Variants in KDM4C observed in about 807,000 individuals in gnomAD.
KDM4C encodes the protein lysine demethylase 4C, also known as lysine-specific demethylase 4C.
A neutral mutation model predicts 129.3 loss-of-function variants in KDM4C; 81 were observed. The ratio of observed to expected loss-of-function variants is 0.63; its 90% CI spans 0.52 to 0.75. KDM4C has a LOEUF of 0.75. KDM4C is among the 30% of genes least tolerant of loss of function. The pLI, the probability that KDM4C is intolerant of heterozygous loss-of-function variation, is 0.00. For synonymous variants in KDM4C, 573 were observed against 456.1 expected (o/e 1.26, Z -3.26); for missense variants, 1,457 against 1,304.0 (o/e 1.12, Z -1.81).
chr9:7,142,845 C>T (rs1180574594), intron 19 of KDM4C, among the ~76,000 whole-genome samples: 3 of 145,958 alleles, frequency 2.1e-5, no homozygotes, highest in African/African-American at 5.0e-5. Context: ...TAAAAATGCT[C>T]ATACAGGCTG....
chr9:6,926,284 A>G (rs1201082420), intron 8 of KDM4C, among the ~76,000 whole-genome samples: 1 of 148,632 alleles, frequency 6.7e-6, no homozygotes, highest in Non-Finnish European at 1.5e-5. Flanking sequence ...AACTGAGGTA[A>G]TATAAGGCGT....
chr9:7,094,260 G>C (rs916970053), intron 17 of KDM4C, among the ~76,000 whole-genome samples: 6 of 152,208 alleles, frequency 3.9e-5, no homozygotes, highest in Non-Finnish European at 7.3e-5. Flanking sequence ...GGCAGGGTTA[G>C]GATTCAGGCT....
At chr9:6,978,139 C>G (rs969560354) in intron 8 of KDM4C, among the ~76,000 whole-genome samples, 1 of 152,138 alleles carries the variant, frequency 6.6e-6, no homozygotes, top group Non-Finnish European at 1.5e-5. Context: ...CTGTTACTCT[C>G]AGTTTTTCAG....
At chr9:6,943,653 C>T (rs1255962549) in intron 8 of KDM4C, among the ~76,000 whole-genome samples, 3 of 149,210 alleles carry the variant, frequency 2.0e-5, no homozygotes, top group Non-Finnish European at 4.4e-5. Flanking sequence ...CCAGTCTGGG[C>T]GACATAGGGA....
At chr9:6,804,250 C>T (rs1383237511) in intron 2 of KDM4C, among the ~76,000 whole-genome samples, 1 of 152,224 alleles carries the variant, frequency 6.6e-6, no homozygotes, top group Admixed American at 6.5e-5. Context: ...GCACCTTATA[C>T]TGGCATTTGA....
chr9:7,148,796 T>A (rs1203381328), intron 19 of KDM4C, among the ~76,000 whole-genome samples: 1 of 151,806 alleles, frequency 6.6e-6, no homozygotes, highest in Non-Finnish European at 1.5e-5. Context: ...TCCCAAGGAG[T>A]GTCTGAGTCC....
At chr9:6,817,984 C>T (rs1382327938) in intron 4 of KDM4C, among the ~76,000 whole-genome samples, 1 of 151,982 alleles carries the variant, frequency 6.6e-6, no homozygotes, top group Non-Finnish European at 1.5e-5. Context: ...CCAGGTTGGT[C>T]TCAATCTCCT....
chr9:6,977,677 T>A (rs540229107), intron 8 of KDM4C, among the ~76,000 whole-genome samples: 1 of 152,256 alleles, frequency 6.6e-6, no homozygotes, highest in African/African-American at 2.4e-5. Flanking sequence ...CTGCTGGGCC[T>A]CCAGTTTCAG....
intron 8 of KDM4C, among the ~76,000 whole-genome samples, chr9:6,904,314 C>T (rs1256554056): frequency 6.6e-6 from 1 of 151,926 alleles, no homozygotes; most frequent in East Asian, 1.9e-4. Context: ...CTTTCATTTA[C>T]AGCAAGTAAA....
At chr9:6,925,009 C>T (rs1049362098) in intron 8 of KDM4C, 22 of 985,308 alleles carry the variant, frequency 2.2e-5, no homozygotes, top group Non-Finnish European at 2.7e-5. Flanking sequence ...TCTTAGGCTT[C>T]CTACTTCTGA....
chr9:6,979,875 G>A (rs985598171), intron 8 of KDM4C, among the ~76,000 whole-genome samples: 1 of 152,184 alleles, frequency 6.6e-6, no homozygotes, highest in Non-Finnish European at 1.5e-5. Context: ...GAGAATAGAA[G>A]AACTGTGGTA....
intron 4 of KDM4C, among the ~76,000 whole-genome samples, chr9:6,833,305 T>G (rs1835251951): frequency 6.6e-6 from 1 of 152,132 alleles, no homozygotes. Flanking sequence ...TATGCCAGTA[T>G]TTTTAAAAAC....
At chr9:6,771,020 C>T (rs1220099062) in intron 1 of KDM4C, among the ~76,000 whole-genome samples, 6 of 150,420 alleles carry the variant, frequency 4.0e-5, no homozygotes, top group African/African-American at 9.8e-5. Context: ...GTGATCCACC[C>T]GCCTTGGCCT....
In KDM4C at chr9:6,887,981, A is replaced by T; in HGVS notation, c.701A>T (p.Gln234Leu). 6.2e-7 allele frequency: 1 copy of T among 1,610,784 alleles called. No individual in the cohort carries two copies. The highest frequency in any genetic ancestry group is 8.5e-7 in the Non-Finnish European group (1 of 1,177,184). ...LAQGFFPSSSQGCDAFLRHKM... is the reference protein window; with the variant it reads ...LAQGFFPSSSLGCDAFLRHKM... Reference sequence around the variant, plus strand: ...TTAGGTTTTTTCCCAAGCAGCTCCCAAGGGTGTGATGCATTTCTTCGCCAC... The same window carrying T: ...TTAGGTTTTTTCCCAAGCAGCTCCCTAGGGTGTGATGCATTTCTTCGCCAC... The change falls in exon 7 of 22, where the codon CAA becomes CTA. Residue 234 changes from glutamine (Q) to leucine (L), a missense_variant. Gln to Leu is a moderately radical substitution (Grantham distance 113). Coordinates refer to ENST00000381309, the MANE Select transcript of KDM4C (RefSeq NM_015061.6).
chr9:7,111,584 C>G (rs1838323851), intron 18 of KDM4C, among the ~76,000 whole-genome samples: 4 of 152,092 alleles, frequency 2.6e-5, no homozygotes, highest in Admixed American at 2.6e-4. Context: ...CAATCTGACT[C>G]AGAGTCCAGG....
At chr9:6,769,771 G>A (rs1484983828) in intron 1 of KDM4C, among the ~76,000 whole-genome samples, 4 of 152,102 alleles carry the variant, frequency 2.6e-5, no homozygotes, top group African/African-American at 9.7e-5. Context: ...AAGGGTCAAT[G>A]GACACATTTG....
chr9:7,162,130 T>C (rs1171359787), intron 19 of KDM4C, among the ~76,000 whole-genome samples: 1 of 152,244 alleles, frequency 6.6e-6, no homozygotes, highest in African/African-American at 2.4e-5. Context: ...GGAGCTGTTA[T>C]GGATGAGAAT....
Position 6,990,538 on chromosome 9 carries a change from C to T in KDM4C, c.1786+14C>T, listed in dbSNP as rs769395580. 2.8e-5 allele frequency: 42 copies of T among 1,484,836 alleles called. No homozygotes were observed. The highest frequency in any genetic ancestry group is 1.2e-4 in the Admixed American group (5 of 40,790). 92.0% of individuals were successfully genotyped at this position (1,484,836 alleles called of 1,614,324 possible). Reference sequence around the variant, plus strand: ...CAAGTGATGAAGGTGAGATGGTGACCCTTTTTGGGATTTTTTTTTTTTTTT... The same window carrying T: ...CAAGTGATGAAGGTGAGATGGTGACTCTTTTTGGGATTTTTTTTTTTTTTT... On this transcript the variant is annotated intron_variant, in intron 12 of 21. Transcript: ENST00000381309.
chr9:6,835,673 GTTTTGTTTTTGT>G (rs769580541), intron 4 of KDM4C: 304 of 728,198 alleles, frequency 4.2e-4, no homozygotes, highest in Middle Eastern at 2.8e-3. Context: ...TTTTTGTTTT[GTTTTGTTTTTGT>G]TTTTGTTTTT....
Sources: allele counts gnomAD v4.1 joint callset (sites outside exome capture counted in the v4.1 genomes callset), GRCh38; gene constraint gnomAD v4.1.1; transcripts MANE v1.5; gene names NCBI Gene and HGNC (gene_info 2026-07-23, HGNC 2026-07-21).